Variants in SLC8A1 observed in about 807,000 individuals in gnomAD.
SLC8A1 encodes the protein sodium/calcium exchanger 1.
In SLC8A1, 18 loss-of-function variants were observed where a neutral mutation model predicts 68.3. The ratio of observed to expected loss-of-function variants is 0.26; its 90% confidence interval spans 0.18 to 0.39. SLC8A1 has a LOEUF of 0.39. SLC8A1 is among the 10% of genes least tolerant of loss of function. The pLI is 1.00. For synonymous variants in SLC8A1, 475 were observed against 415.5 expected (o/e 1.14, Z -1.74); for missense variants, 985 against 1,156.7 (o/e 0.85, Z 2.15).
chr2:40,267,226 T>C (rs1252759008), intron 2 of SLC8A1, among the ~76,000 whole-genome samples: 1 of 152,222 alleles, frequency 6.6e-6, no homozygotes, highest in African/African-American at 2.4e-5. Context: ...TTTACTTGCC[T>C]GAGTTATCTG....
chr2:40,295,339 C>G (rs1343861374), intron 2 of SLC8A1, among the ~76,000 whole-genome samples: 1 of 152,028 alleles, frequency 6.6e-6, no homozygotes, highest in Admixed American at 6.6e-5. Context: ...CTGGGCTCAA[C>G]AGATCCTTCC....
chr2:40,172,355 T>G (rs74952782), intron 4 of SLC8A1, among the ~76,000 whole-genome samples: 1,680 of 152,278 alleles, frequency 0.011, 25 homozygotes, highest in African/African-American at 0.038. Flanking sequence ...TCTAACTGCA[T>G]TAATTTCAAG....
At chr2:40,263,738 T>TA (rs2065005021) in intron 2 of SLC8A1, among the ~76,000 whole-genome samples, 1 of 151,896 alleles carries the variant, frequency 6.6e-6, no homozygotes, top group South Asian at 2.1e-4. Context: ...CCTAAAACCA[T>TA]AAAAACCCTA....
intron 2 of SLC8A1, among the ~76,000 whole-genome samples, chr2:40,198,941 A>AC (rs972068127): frequency 6.6e-6 from 1 of 151,590 alleles, no homozygotes; most frequent in Non-Finnish European, 1.5e-5. Flanking sequence ...TTTAAGGAAA[A>AC]AAAAAAAAAG....
intron 1 of SLC8A1, among the ~76,000 whole-genome samples, chr2:40,468,967 A>C (rs538542534): frequency 6.6e-6 from 1 of 152,140 alleles, no homozygotes; most frequent in Non-Finnish European, 1.5e-5. Flanking sequence ...CCTGGATATA[A>C]TATTATTTCA....
At chr2:40,253,282 ATATATGTG>A (rs2063287781) in intron 2 of SLC8A1, among the ~76,000 whole-genome samples, 1 of 150,522 alleles carries the variant, frequency 6.6e-6, no homozygotes, top group Admixed American at 6.6e-5. Flanking sequence ...CATATGACGT[ATATATGTG>A]TATATACACA....
intron 2 of SLC8A1, among the ~76,000 whole-genome samples, chr2:40,270,031 C>T (rs936166012): frequency 6.6e-6 from 1 of 152,090 alleles, no homozygotes; most frequent in African/African-American, 2.4e-5. Context: ...CTAGAGTGGG[C>T]AACTGTACAA....
intron 2 of SLC8A1, among the ~76,000 whole-genome samples, chr2:40,298,289 C>A (rs1355040520): frequency 6.6e-6 from 1 of 152,202 alleles, no homozygotes; most frequent in Non-Finnish European, 1.5e-5. Flanking sequence ...CTTTGTCCAG[C>A]AAACTGCTTC....
At chr2:40,468,334 T>G (rs1388011148) in intron 1 of SLC8A1, among the ~76,000 whole-genome samples, 2 of 152,192 alleles carry the variant, frequency 1.3e-5, no homozygotes, top group Admixed American at 1.3e-4. Flanking sequence ...ATATTACTAT[T>G]ATTGGCCTTG....
At chr2:40,161,103 A>G (rs1197654815) in intron 5 of SLC8A1, among the ~76,000 whole-genome samples, 1 of 152,172 alleles carries the variant, frequency 6.6e-6, no homozygotes, top group Non-Finnish European at 1.5e-5. Context: ...CTGACTAATG[A>G]AGAATAGCCT....
At chr2:40,402,495 T>C (rs1360053976) in intron 2 of SLC8A1, among the ~76,000 whole-genome samples, 1 of 152,214 alleles carries the variant, frequency 6.6e-6, no homozygotes. Context: ...ACTTTATGTA[T>C]TTGCCCCGAA....
Position 40,125,248 on chromosome 2 carries a change from C to T in SLC8A1, c.2438-9619G>A, listed in dbSNP as rs1042746547. Among the ~76,000 whole-genome samples the T allele has an allele frequency of 2.0e-5, 3 of 152,248 alleles. No homozygotes were observed. In the East Asian group the frequency reaches 5.8e-4, roughly 29 times the overall value. On this transcript the variant is annotated intron_variant, in intron 7 of 7. Transcript: ENST00000406785. ...CCTTGGATGAAAAGCATCCTATATA[C>T]TACACACAGAGCAGGTGCATCTCGA...
At chr2:40,434,493 T>A (rs1699010195) in intron 1 of SLC8A1, among the ~76,000 whole-genome samples, 1 of 152,154 alleles carries the variant, frequency 6.6e-6, no homozygotes, top group Admixed American at 6.5e-5. Context: ...TCTACTAAAC[T>A]CTCCCCATTT....
chr2:40,203,813 C>G (rs939896838), intron 2 of SLC8A1, among the ~76,000 whole-genome samples: 1 of 151,930 alleles, frequency 6.6e-6, no homozygotes, highest in Non-Finnish European at 1.5e-5. Context: ...TCAAATGATC[C>G]TCTACCTCAT....
chr2:40,257,834 G>T (rs994044278), intron 2 of SLC8A1, among the ~76,000 whole-genome samples: 1 of 152,128 alleles, frequency 6.6e-6, no homozygotes, highest in Admixed American at 6.5e-5. Flanking sequence ...TTCCTATCTG[G>T]TTGGATGGCA....
chr2:40,438,310 A>C (rs1358525812), intron 1 of SLC8A1, among the ~76,000 whole-genome samples: 1 of 152,172 alleles, frequency 6.6e-6, no homozygotes, highest in East Asian at 1.9e-4. Context: ...TTTTATATCT[A>C]GGTCACCAAA....
At chr2:40,108,637 G>C (rs775283501) in exon 8 of SLC8A1, 18 of 152,264 alleles carry the variant, frequency 1.2e-4, no homozygotes, top group African/African-American at 4.3e-4. Context: ...GGTATCTACA[G>C]AAAATATTAT....
intron 2 of SLC8A1, among the ~76,000 whole-genome samples, chr2:40,290,258 G>GAAA (rs148661975): frequency 2.8e-5 from 4 of 141,596 alleles, no homozygotes; most frequent in African/African-American, 1.0e-4. Flanking sequence ...AACTGCAGCT[G>GAAA]AAAAAAAAAA....
intron 1 of SLC8A1, among the ~76,000 whole-genome samples, chr2:40,463,839 TACACACACACACACACACACACACACAC>T (rs761954909): frequency 4.1e-5 from 5 of 123,396 alleles, no homozygotes; most frequent in South Asian, 2.9e-4. Context: ...CACACACACA[TACACACACACACACACACACACACACAC>T]ACACACACAC....
Sources: gnomAD v4.1 joint callset for allele counts (sites outside exome capture counted in the v4.1 genomes callset) on GRCh38, gnomAD v4.1.1 for gene constraint, MANE v1.5 for transcripts, NCBI Gene and HGNC (gene_info 2026-07-23, HGNC 2026-07-21) for gene names.